The following PCDHAC1 variants were observed in gnomAD, a reference collection of about 807,000 sequenced individuals.
The protein encoded by PCDHAC1 is protocadherin alpha-C1.
Under a neutral mutation model 60.0 loss-of-function variants are expected in PCDHAC1, and 42 were observed. That is an observed-to-expected ratio of 0.70 (90% confidence interval 0.55 to 0.90). The LOEUF (loss-of-function observed/expected upper bound fraction) is 0.90, where lower values mean the gene tolerates loss of function less well. PCDHAC1 is among the 40% of genes least tolerant of loss of function. PCDHAC1 has a pLI of 0.00. For synonymous variants in PCDHAC1, 468 were observed against 499.3 expected, an observed-to-expected ratio of 0.94 and a Z score of 0.84; for missense variants, 1,160 against 1,222.3, an observed-to-expected ratio of 0.95 and a Z score of 0.76.
At chr5:140,999,454 A>G (rs1467435215) in intron 3 of PCDHAC1, among the ~76,000 whole-genome samples, 1 of 152,206 alleles carries the variant, frequency 6.6e-6, no homozygotes, top group African/African-American at 2.4e-5. Context: ...CGTTCAACGA[A>G]TAAGTGGTGA....
intron 1 of PCDHAC1, chr5:140,929,617 A>C: frequency 2.5e-6 from 1 of 401,992 alleles, no homozygotes; most frequent in Non-Finnish European, 4.5e-6. Context: ...AAATACCAAA[A>C]TATTTTATAA....
chr5:140,935,501 A>G (rs1337847677), intron 1 of PCDHAC1, among the ~76,000 whole-genome samples: 1 of 152,250 alleles, frequency 6.6e-6, no homozygotes, highest in East Asian at 1.9e-4. Context: ...GCACATCCTT[A>G]CAAATGCCCA....
chr5:140,993,532 A>C (rs1159592677), intron 3 of PCDHAC1, among the ~76,000 whole-genome samples: 1 of 151,984 alleles, frequency 6.6e-6, no homozygotes, highest in African/African-American at 2.4e-5. Flanking sequence ...ACAGAGAGAG[A>C]GAGAGATAGA....
chr5:140,966,330 G>A, intron 1 of PCDHAC1: 2 of 393,050 alleles, frequency 5.1e-6, no homozygotes, highest in Non-Finnish European at 9.0e-6. Context: ...CTGGGATCCG[G>A]CAGGTCCAGG....
intron 1 of PCDHAC1, among the ~76,000 whole-genome samples, chr5:140,977,568 G>A (rs547387044): frequency 1.3e-5 from 2 of 152,312 alleles, no homozygotes; most frequent in East Asian, 1.9e-4. Context: ...TAGCAGATTG[G>A]TAGAATAGAG....
At chr5:141,000,361 GTCTCTCTCTCTCTCTCTC>G (rs148596731) in intron 3 of PCDHAC1, among the ~76,000 whole-genome samples, 25 of 26,446 alleles carry the variant, frequency 9.5e-4, no homozygotes, top group African/African-American at 4.9e-3. Context: ...GTCTCTCTCT[GTCTCTCTCTCTCTCTCTC>G]TCTCTCTCTC....
intron 1 of PCDHAC1, among the ~76,000 whole-genome samples, chr5:140,978,477 G>A (rs1362771671): frequency 6.6e-6 from 1 of 152,342 alleles, no homozygotes; most frequent in African/African-American, 2.4e-5. Context: ...ATATGCTGCA[G>A]TCTGCAAAGC....
chr5:140,945,800 C>T (rs1411676680), intron 1 of PCDHAC1, among the ~76,000 whole-genome samples: 1 of 152,026 alleles, frequency 6.6e-6, no homozygotes, highest in African/African-American at 2.4e-5. Flanking sequence ...TGAAACTAGA[C>T]CCTTATCTCA....
At chr5:140,980,584 C>T (rs1447001293) in intron 2 of PCDHAC1, among the ~76,000 whole-genome samples, 3 of 151,934 alleles carry the variant, frequency 2.0e-5, no homozygotes, top group Non-Finnish European at 4.4e-5. Context: ...GAGCCAAGAT[C>T]GAGCCACTGC....
intron 1 of PCDHAC1, among the ~76,000 whole-genome samples, chr5:140,975,601 G>A (rs943598203): frequency 1.2e-4 from 19 of 152,192 alleles, no homozygotes; most frequent in African/African-American, 4.6e-4. Flanking sequence ...GCAATTTGTT[G>A]ATGTCTTCCA....
intron 3 of PCDHAC1, among the ~76,000 whole-genome samples, chr5:141,007,388 TAAAATAC>T (rs1451350698): frequency 1.5e-5 from 1 of 67,196 alleles, no homozygotes; most frequent in Non-Finnish European, 2.7e-5. Context: ...CCATCTCTAC[TAAAATAC>T]AAAAAAAAAA....
rs1366864610 is a variant in PCDHAC1 at position 141,006,125 on chromosome 5, G to A, written c.2582-3502G>A. ...AAGGAGTTTTTTTTTTTTTTCTCAA[G>A]GCAGTAGAAAGCTTAAGCAGAGGAG... On this transcript the variant is annotated intron_variant, in intron 3 of 3. Transcript: ENST00000253807. 4.7e-5 allele frequency among the ~76,000 whole-genome samples: 7 copies of A among 149,644 alleles called. No individual in the cohort carries two copies. The South Asian group carries it at 1.3e-3, about 27-fold the overall frequency.
chr5:141,010,432 CAA>C lies in PCDHAC1; in HGVS notation c.*497_*498del. The C allele has an allele frequency of 8.5e-6, 9 of 1,056,970 alleles. No individual in the cohort carries two copies. The highest frequency in any genetic ancestry group is 1.2e-5 in the Non-Finnish European group (9 of 756,282). 65.5% of individuals were successfully genotyped at this position (1,056,970 alleles called of 1,614,324 possible). A position where few individuals can be genotyped will look rare whatever the true frequency, so the allele number is the denominator to read the frequency against. On this transcript the variant is annotated 3_prime_UTR_variant, in exon 4 of 4. Coordinates refer to ENST00000253807, the MANE Select transcript of PCDHAC1 (RefSeq NM_018898.5). Reference sequence around the variant, plus strand: ...AATTGGTACAAGGAAGGCAAGAAAACAAAGACAAATAAACAGCGGAAGTTATC... The same window carrying C: ...AATTGGTACAAGGAAGGCAAGAAAACAGACAAATAAACAGCGGAAGTTATC...
At position 140,937,140 on chromosome 5, in the gene PCDHAC1, C is replaced by T. The variant is rs553273845; in HGVS notation, c.2433+7815C>T. Among the ~76,000 whole-genome samples, 820 of 151,358 alleles carry T rather than the reference C, an allele frequency of 5.4e-3. 1 individual carries two copies. The highest frequency in any genetic ancestry group is 0.019 in the African/African-American group (789 of 41,228). On this transcript the variant is annotated intron_variant, in intron 1 of 3. Transcript: ENST00000253807. Reference sequence around the variant, plus strand: ...GCAAGCTCCGCCTCCCGGGTTCATGCCATTCTCCTGCCTCAGCCTCCCGAG... The same window carrying T: ...GCAAGCTCCGCCTCCCGGGTTCATGTCATTCTCCTGCCTCAGCCTCCCGAG...
Position 140,928,471 on chromosome 5 carries a change from G to A in PCDHAC1, c.1579G>A (p.Gly527Ser). 1 of 1,614,148 alleles carries A rather than the reference G, an allele frequency of 6.2e-7. No individual in the cohort carries two copies. The highest frequency in any genetic ancestry group is 1.1e-5 in the South Asian group (1 of 91,076). ...QLRGFHFQVE[G>S]RDGGIPPRSA... Reference sequence around the variant, plus strand: ...CAGGGGGTTTCATTTCCAAGTAGAAGGCCGGGATGGTGGCATTCCTCCCAG... The same window carrying A: ...CAGGGGGTTTCATTTCCAAGTAGAAAGCCGGGATGGTGGCATTCCTCCCAG... The change falls in exon 1 of 4, where the codon GGC becomes AGC. Residue 527 changes from glycine to serine, a missense_variant. Gly to Ser is a moderately conservative substitution (Grantham distance 56). Around this residue, in one of 3 missense-constraint regions of PCDHAC1, gnomAD observed 1,113 missense variants for 1,163.7 expected, o/e 0.96. Transcript: ENST00000253807.
chr5:140,977,839 C>G (rs1400370638), intron 1 of PCDHAC1, among the ~76,000 whole-genome samples: 1 of 152,176 alleles, frequency 6.6e-6, no homozygotes, highest in South Asian at 2.1e-4. Context: ...ATTGATATTA[C>G]TATGGCTTTG....
intron 3 of PCDHAC1, 34 bp from the exon 4 acceptor site, chr5:141,009,593 C>G: frequency 6.2e-7 from 1 of 1,602,020 alleles, no homozygotes; most frequent in South Asian, 1.1e-5. Flanking sequence ...CATGTGTTGA[C>G]CCTGTTAATG....
chr5:140,938,166 G>A (rs2091953104), intron 1 of PCDHAC1, among the ~76,000 whole-genome samples: 2 of 151,980 alleles, frequency 1.3e-5, no homozygotes, highest in South Asian at 4.1e-4. Flanking sequence ...GGCTAGTCTG[G>A]AGCTCCTGGG....
intron 1 of PCDHAC1, among the ~76,000 whole-genome samples, chr5:140,972,262 C>G (rs116021362): frequency 0.021 from 3,220 of 151,618 alleles, 50 homozygotes; most frequent in Non-Finnish European, 0.033. Context: ...ACATCAGCCT[C>G]CTGAGTAGCT....
Sources: allele counts gnomAD v4.1 joint callset (sites outside exome capture counted in the v4.1 genomes callset), GRCh38; gene constraint gnomAD v4.1.1; regional missense constraint gnomAD v4.1.1; transcripts MANE v1.5; gene names NCBI Gene and HGNC (gene_info 2026-07-23, HGNC 2026-07-21).